Variants in TRAF2 observed in about 807,000 individuals in gnomAD.
TRAF2 encodes TNF receptor associated factor 2.
Under a neutral mutation model 55.6 loss-of-function variants are expected in TRAF2, and 6 were observed. The observed-to-expected ratio is 0.11, with a 90% CI of 0.06 to 0.21. The LOEUF (loss-of-function observed/expected upper bound fraction) is 0.21, where lower values mean the gene tolerates loss of function less well. Ranked by LOEUF, TRAF2 falls within the 10% of genes least tolerant of loss-of-function variation. The pLI, the probability that TRAF2 is intolerant of heterozygous loss-of-function variation, is 1.00. For synonymous variants in TRAF2, 329 were observed against 276.3 expected (o/e 1.19, Z -1.89); for missense variants, 561 against 684.5 (o/e 0.82, Z 2.01).
At chr9:136,883,862 G>A (rs1849402232), upstream of TRAF2, among the ~76,000 whole-genome samples, 1 of 140,954 alleles carries the variant, frequency 7.1e-6, no homozygotes, top group Non-Finnish European at 1.5e-5. Flanking sequence ...TTGCTCTGTC[G>A]CCAGGCTGGA....
intron 4 of TRAF2, among the ~76,000 whole-genome samples, chr9:136,903,652 C>T (rs941652352): frequency 6.6e-5 from 10 of 151,910 alleles, no homozygotes; most frequent in Admixed American, 3.3e-4. Context: ...TTTCAAGTAC[C>T]GAGTGCCAAG....
chr9:136,885,125 G>A (rs899599596), upstream of TRAF2, among the ~76,000 whole-genome samples: 1 of 152,192 alleles, frequency 6.6e-6, no homozygotes, highest in African/African-American at 2.4e-5. Context: ...GGGGCGGAGG[G>A]GAATTCCAAC....
chr9:136,900,695 T>A, intron 4 of TRAF2, 175 bp downstream of exon 4: 1 of 687,306 alleles, frequency 1.5e-6, no homozygotes, highest in South Asian at 1.5e-5. Flanking sequence ...ATTTAGAAAC[T>A]CAAGTAGTGC....
chr9:136,885,196 T>G (rs1012969999), upstream of TRAF2, among the ~76,000 whole-genome samples: 8 of 152,218 alleles, frequency 5.3e-5, no homozygotes, highest in African/African-American at 1.9e-4. Context: ...GTGGCCTGTG[T>G]AAATTATGCA....
At chr9:136,916,010 G>C (rs1850232613) in intron 6 of TRAF2, among the ~76,000 whole-genome samples, 1 of 152,156 alleles carries the variant, frequency 6.6e-6, no homozygotes, top group Non-Finnish European at 1.5e-5. Flanking sequence ...TCCTCGGGCT[G>C]TTCCTGCATC....
At chr9:136,909,862 C>T (rs1373273246) in intron 5 of TRAF2, 58 bp from the exon 6 acceptor site, 3 of 1,582,960 alleles carry the variant, frequency 1.9e-6, no homozygotes, top group East Asian at 2.3e-5. Flanking sequence ...GTGTGCCGCC[C>T]TCCACCCGCG....
intron 4 of TRAF2, 109 bp from the exon 5 acceptor site, chr9:136,907,961 G>T (rs1458432402): frequency 2.7e-5 from 38 of 1,413,586 alleles, no homozygotes; most frequent in Non-Finnish European, 3.5e-5. Flanking sequence ...CCCAGGACCA[G>T]CATGCGGACA....
intron 4 of TRAF2, among the ~76,000 whole-genome samples, chr9:136,906,017 A>G (rs967202298): frequency 6.6e-6 from 1 of 152,144 alleles, no homozygotes; most frequent in Non-Finnish European, 1.5e-5. Flanking sequence ...AGGCAGAAGA[A>G]TGGCGTGAAC....
At chr9:136,905,652 C>T (rs1305488488) in intron 4 of TRAF2, among the ~76,000 whole-genome samples, 1 of 152,222 alleles carries the variant, frequency 6.6e-6, no homozygotes, top group Non-Finnish European at 1.5e-5. Flanking sequence ...GTTCCTTTGA[C>T]TTCCATTCCC....
chr9:136,921,590 G>A (rs973941550), intron 9 of TRAF2, among the ~76,000 whole-genome samples: 1 of 152,178 alleles, frequency 6.6e-6, no homozygotes, highest in Non-Finnish European at 1.5e-5. Flanking sequence ...GGGTGGCTGT[G>A]GGGGTGGGAC....
At chr9:136,886,258 G>A (rs867918953), upstream of TRAF2, 1 of 358,310 alleles carries the variant, frequency 2.8e-6, no homozygotes, top group African/African-American at 2.2e-5. Context: ...GCTCTTTGAG[G>A]AAAAAGCAGA....
intron 4 of TRAF2, among the ~76,000 whole-genome samples, chr9:136,907,495 C>T (rs1474578157): frequency 6.6e-6 from 1 of 152,262 alleles, no homozygotes; most frequent in Middle Eastern, 3.2e-3. Context: ...CTAGACCCAG[C>T]TCCTGGCACC....
At chr9:136,890,749 G>T (rs765081545) in intron 1 of TRAF2, among the ~76,000 whole-genome samples, 1 of 152,250 alleles carries the variant, frequency 6.6e-6, no homozygotes, top group African/African-American at 2.4e-5. Context: ...GTGGGCATCA[G>T]TGGGACCTCA....
chr9:136,889,823 C>G (rs1849537902), intron 1 of TRAF2: 1 of 151,836 alleles, frequency 6.6e-6, no homozygotes, highest in Admixed American at 6.6e-5. Context: ...GTGAGAGTCG[C>G]CCCTGCATGC....
At chr9:136,922,774 G>T (rs1430040680) in intron 9 of TRAF2, among the ~76,000 whole-genome samples, 1 of 134,060 alleles carries the variant, frequency 7.5e-6, no homozygotes, top group African/African-American at 2.9e-5. Flanking sequence ...GGACTAGGAC[G>T]GGGGGAGGAT....
chr9:136,906,122 A>G (rs1049045582), intron 4 of TRAF2, among the ~76,000 whole-genome samples: 2 of 152,034 alleles, frequency 1.3e-5, no homozygotes, highest in African/African-American at 4.8e-5. Flanking sequence ...AAAAACCAAG[A>G]TGGCTCTGCC....
In TRAF2 at chr9:136,909,774, G is replaced by A. The variant is rs937558775; in HGVS notation, c.529-146G>A. 34 of 751,400 alleles carry A rather than the reference G, an allele frequency of 4.5e-5. 1 individual carries two copies. Among genetic ancestry groups the A allele is most frequent in the African/African-American group, 2.4e-4 (14 of 58,060 alleles). The allele number at this position is 751,400 out of a possible 1,614,324, so 46.5% of individuals were successfully genotyped here. On this transcript the variant is annotated intron_variant, in intron 5 of 10. Transcript: ENST00000247668. ...GGGTGGTGCTGGCAGGATCCTGCCCGGGAGGAGCACTGTCCTTCGAGGCTG... is the reference window on the plus strand; with the variant it reads ...GGGTGGTGCTGGCAGGATCCTGCCCAGGAGGAGCACTGTCCTTCGAGGCTG...
chr9:136,912,461 C>G (rs550089792), intron 6 of TRAF2, among the ~76,000 whole-genome samples: 2 of 152,214 alleles, frequency 1.3e-5, no homozygotes, highest in South Asian at 2.1e-4. Context: ...TGCCTGGCCT[C>G]TCTTATCTTT....
At chr9:136,917,493 G>A (rs17244145) in intron 7 of TRAF2, among the ~76,000 whole-genome samples, 1,540 of 152,310 alleles carry the variant, frequency 0.01, 27 homozygotes, top group African/African-American at 0.036. Context: ...TACAACAGGA[G>A]CCCCTTGAGG....
Sources: gnomAD v4.1 joint callset for allele counts (sites outside exome capture counted in the v4.1 genomes callset) on GRCh38, gnomAD v4.1.1 for gene constraint, MANE v1.5 for transcripts, NCBI Gene and HGNC (gene_info 2026-07-23, HGNC 2026-07-21) for gene names.